RABGAP1L: variants seen among roughly 807,000 people sequenced by gnomAD.
The protein encoded by RABGAP1L is RAB GTPase activating protein 1 like, also known as rab GTPase-activating protein 1-like.
Under a neutral mutation model 137.7 loss-of-function variants are expected in RABGAP1L, and 63 were observed. The ratio of observed to expected loss-of-function variants is 0.46; its 90% CI spans 0.37 to 0.56. RABGAP1L has a LOEUF of 0.56. Ranked by LOEUF, RABGAP1L falls within the 20% of genes least tolerant of loss-of-function variation. The probability of loss-of-function intolerance (pLI) is 0.00; values close to 1 mark genes in which losing one functional copy is unlikely to be tolerated. For synonymous variants in RABGAP1L, 431 were observed against 433.7 expected, an observed-to-expected ratio of 0.99 and a Z score of 0.08; for missense variants, 1,095 against 1,244.0, an observed-to-expected ratio of 0.88 and a Z score of 1.80.
At chr1:174,188,267 C>A (rs141402579) in intron 1 of RABGAP1L, among the ~76,000 whole-genome samples, 1 of 152,048 alleles carries the variant, frequency 6.6e-6, no homozygotes, top group African/African-American at 2.4e-5. Flanking sequence ...TTAAAATTCT[C>A]GTGCTGAAAT....
At chr1:174,289,681 G>A (rs1676399256) in intron 10 of RABGAP1L, among the ~76,000 whole-genome samples, 1 of 152,180 alleles carries the variant, frequency 6.6e-6, no homozygotes, top group African/African-American at 2.4e-5. Flanking sequence ...GGTTGGGCCA[G>A]CTGGTAGCAT....
intron 19 of RABGAP1L, chr1:174,850,072 G>A (rs1213541493): frequency 1.7e-5 from 9 of 534,540 alleles, no homozygotes. Flanking sequence ...GTAGAGGGGT[G>A]TCTGGGATTG....
Position 174,355,484 on chromosome 1 carries a change from G to A in RABGAP1L, c.1466-15495G>A, listed in dbSNP as rs561585474. Among the ~76,000 whole-genome samples, 44 of 130,280 alleles carry A rather than the reference G, an allele frequency of 3.4e-4. No homozygotes were observed. In the East Asian group the frequency reaches 9.0e-3, roughly 27 times the overall value. 85.5% of individuals were successfully genotyped at this position (130,280 alleles called of 152,430 possible). Reference sequence around the variant, plus strand: ...GTTGTGGGGTGGGGGGAGTGGGGAGGGATAGCATTAGGAGATATACCTAAT... The same window carrying A: ...GTTGTGGGGTGGGGGGAGTGGGGAGAGATAGCATTAGGAGATATACCTAAT... On this transcript the variant is annotated intron_variant, in intron 11 of 25. Transcript: ENST00000681986.
At chr1:174,349,736 A>G (rs1359356426) in intron 11 of RABGAP1L, among the ~76,000 whole-genome samples, 1 of 110,688 alleles carries the variant, frequency 9.0e-6, no homozygotes, top group Non-Finnish European at 1.9e-5. Context: ...CGGGGGGCTG[A>G]CCCCCCCACC....
intron 8 of RABGAP1L, among the ~76,000 whole-genome samples, chr1:174,273,422 T>C (rs1227614457): frequency 2.0e-5 from 3 of 152,054 alleles, no homozygotes; most frequent in African/African-American, 4.8e-5. Context: ...ACAAACTTTT[T>C]AGTATCTGGT....
chr1:174,378,624 G>C (rs1162424664), intron 12 of RABGAP1L, among the ~76,000 whole-genome samples: 6 of 152,024 alleles, frequency 3.9e-5, no homozygotes, highest in African/African-American at 4.8e-5. Flanking sequence ...CCCACTTTTT[G>C]ATGGGATTGT....
intron 17 of RABGAP1L, among the ~76,000 whole-genome samples, chr1:174,714,855 A>AGT (rs1480246953): frequency 6.6e-6 from 1 of 152,044 alleles, no homozygotes; most frequent in East Asian, 1.9e-4. Flanking sequence ...AAGTATTTCT[A>AGT]GTGTGTGTGT....
intron 1 of RABGAP1L, among the ~76,000 whole-genome samples, chr1:174,204,792 G>T (rs1470709019): frequency 3.9e-5 from 6 of 152,148 alleles, no homozygotes; most frequent in African/African-American, 1.4e-4. Flanking sequence ...AGATCTGGTT[G>T]TTCTCACGAG....
intron 18 of RABGAP1L, among the ~76,000 whole-genome samples, chr1:174,798,732 G>T (rs1352229281): frequency 1.3e-5 from 2 of 152,098 alleles, no homozygotes; most frequent in Non-Finnish European, 2.9e-5. Context: ...CAAAATACAT[G>T]CTCTGGCTCT....
At chr1:174,424,327 G>T (rs1240630178) in intron 13 of RABGAP1L, among the ~76,000 whole-genome samples, 1 of 152,044 alleles carries the variant, frequency 6.6e-6, no homozygotes, top group Non-Finnish European at 1.5e-5. Context: ...GCTAATAGCT[G>T]TAAGTCTTGC....
intron 14 of RABGAP1L, among the ~76,000 whole-genome samples, chr1:174,678,955 A>G (rs1268252279): frequency 6.6e-6 from 1 of 152,234 alleles, no homozygotes; most frequent in East Asian, 1.9e-4. Context: ...GGTGGATGGC[A>G]AGCGAAAGCT....
intron 17 of RABGAP1L, among the ~76,000 whole-genome samples, chr1:174,726,441 C>CT (rs889158649): frequency 0.011 from 1,612 of 148,592 alleles, 22 homozygotes; most frequent in African/African-American, 0.035. Context: ...TAGGGTACAT[C>CT]TTTTTTTTTT....
chr1:174,436,308 C>T (rs1327589081), intron 13 of RABGAP1L, among the ~76,000 whole-genome samples: 1 of 152,226 alleles, frequency 6.6e-6, no homozygotes, highest in Non-Finnish European at 1.5e-5. Context: ...ACATCCTCTC[C>T]AGCACCTGTT....
chr1:174,516,230 A>G (rs1662833438), intron 13 of RABGAP1L, among the ~76,000 whole-genome samples: 1 of 151,606 alleles, frequency 6.6e-6, no homozygotes, highest in South Asian at 2.1e-4. Context: ...ATCACAGCTC[A>G]CTGCGGCCTC....
At chr1:174,786,046 A>C (rs1573189012) in intron 18 of RABGAP1L, among the ~76,000 whole-genome samples, 1 of 152,340 alleles carries the variant, frequency 6.6e-6, no homozygotes, top group Admixed American at 6.5e-5. Flanking sequence ...ACTCCATTTC[A>C]AACACCTTAT....
intron 19 of RABGAP1L, among the ~76,000 whole-genome samples, chr1:174,820,140 G>A (rs1690868718): frequency 6.6e-6 from 1 of 152,180 alleles, no homozygotes; most frequent in Non-Finnish European, 1.5e-5. Context: ...AAAATCTACA[G>A]TGTTTTGTAA....
intron 13 of RABGAP1L, among the ~76,000 whole-genome samples, chr1:174,465,452 G>A (rs1017467555): frequency 9.9e-5 from 15 of 151,634 alleles, no homozygotes; most frequent in South Asian, 8.4e-4. Flanking sequence ...CACCCACTTC[G>A]GCCTCCCAAA....
At chr1:174,234,738 T>G (rs1292419659) in intron 4 of RABGAP1L, among the ~76,000 whole-genome samples, 1 of 150,122 alleles carries the variant, frequency 6.7e-6, no homozygotes, top group Non-Finnish European at 1.5e-5. Flanking sequence ...TAGGATTGAC[T>G]TGGCAATGCG....
At chr1:174,596,780 C>G (rs542013806) in intron 13 of RABGAP1L, among the ~76,000 whole-genome samples, 11 of 152,218 alleles carry the variant, frequency 7.2e-5, no homozygotes, top group African/African-American at 2.4e-4. Flanking sequence ...AAGTGGGCAT[C>G]TTTGTCTTGT....
Sources: gnomAD v4.1 joint callset for allele counts (sites outside exome capture counted in the v4.1 genomes callset) on GRCh38, gnomAD v4.1.1 for gene constraint, MANE v1.5 for transcripts, NCBI Gene and HGNC (gene_info 2026-07-23, HGNC 2026-07-21) for gene names.